CSMD1: variants seen among roughly 807,000 people sequenced by gnomAD.
CSMD1 encodes CUB and sushi domain-containing protein 1.
CSMD1 carries 213 observed loss-of-function variants against 417.5 expected under a neutral mutation model. That is an observed-to-expected ratio of 0.51 (90% CI 0.46 to 0.57). The LOEUF is 0.57. Ranked by LOEUF, CSMD1 falls within the 20% of genes least tolerant of loss-of-function variation. CSMD1 has a pLI of 0.00. For missense variants in CSMD1, 6,923 were observed against 4,529.7 expected (o/e 1.53, Z -15.17); for synonymous variants, 2,862 against 1,736.8 (o/e 1.65, Z -16.11).
chr8:3,788,186 A>G (rs1330676406), intron 5 of CSMD1, among the ~76,000 whole-genome samples: 1 of 152,214 alleles, frequency 6.6e-6, no homozygotes, highest in East Asian at 1.9e-4. Flanking sequence ...GATACTACAT[A>G]ATTACAAATT....
chr8:4,454,301 C>T (rs185739887), intron 2 of CSMD1, among the ~76,000 whole-genome samples: 1 of 152,178 alleles, frequency 6.6e-6, no homozygotes, highest in Admixed American at 6.5e-5. Flanking sequence ...ACACCAGACG[C>T]AGCCTCTTCT....
chr8:4,975,414 T>C (rs1298958836), intron 1 of CSMD1, among the ~76,000 whole-genome samples: 1 of 152,226 alleles, frequency 6.6e-6, no homozygotes, highest in African/African-American at 2.4e-5. Context: ...CCTTATTGAA[T>C]GTGGGCTACT....
At chr8:3,550,227 C>G (rs1798852071) in intron 10 of CSMD1, among the ~76,000 whole-genome samples, 1 of 152,132 alleles carries the variant, frequency 6.6e-6, no homozygotes, top group African/African-American at 2.4e-5. Flanking sequence ...ATGTCTCTTC[C>G]TTTAGAATAC....
chr8:4,954,782 G>A (rs189719012), intron 1 of CSMD1, among the ~76,000 whole-genome samples: 2 of 152,084 alleles, frequency 1.3e-5, no homozygotes, highest in East Asian at 1.9e-4. Flanking sequence ...ACAGAATTAC[G>A]GTTTTCCATA....
chr8:4,570,049 G>A (rs939159517), intron 2 of CSMD1, among the ~76,000 whole-genome samples: 2 of 152,158 alleles, frequency 1.3e-5, no homozygotes, highest in Non-Finnish European at 2.9e-5. Context: ...CTGAGACAAT[G>A]GGGTTTTCTA....
chr8:4,126,508 G>A (rs1355119742), intron 3 of CSMD1, among the ~76,000 whole-genome samples: 1 of 152,304 alleles, frequency 6.6e-6, no homozygotes, highest in Admixed American at 6.5e-5. Context: ...CTGGAAGCAG[G>A]AGGTCTCCCA....
chr8:4,326,807 A>G (rs1224548620), intron 3 of CSMD1, among the ~76,000 whole-genome samples: 2 of 151,778 alleles, frequency 1.3e-5, no homozygotes, highest in Middle Eastern at 3.4e-3. Flanking sequence ...ATCACCAAGA[A>G]AACTTTGGCT....
chr8:4,130,881 T>C (rs1803060787), intron 3 of CSMD1, among the ~76,000 whole-genome samples: 1 of 151,798 alleles, frequency 6.6e-6, no homozygotes, highest in Non-Finnish European at 1.5e-5. Flanking sequence ...GTTCATATGC[T>C]GAGATAGGTA....
intron 5 of CSMD1, among the ~76,000 whole-genome samples, chr8:3,943,884 G>C (rs532227072): frequency 1.1e-4 from 16 of 152,102 alleles, no homozygotes; most frequent in Admixed American, 9.2e-4. Flanking sequence ...AGACATGGCA[G>C]CTAAATGCAA....
chr8:4,586,948 T>C (rs962156633), intron 2 of CSMD1, among the ~76,000 whole-genome samples: 1 of 152,224 alleles, frequency 6.6e-6, no homozygotes, highest in Admixed American at 6.5e-5. Flanking sequence ...CATGAATCTG[T>C]ACTGTGTAAG....
intron 10 of CSMD1, among the ~76,000 whole-genome samples, chr8:3,537,636 T>C (rs752287531): frequency 2.6e-5 from 4 of 152,234 alleles, no homozygotes; most frequent in African/African-American, 7.2e-5. Context: ...ATGAAATTTA[T>C]GTAGCATCAT....
chr8:2,965,289 C>A (rs1486608127), intron 59 of CSMD1, among the ~76,000 whole-genome samples: 1 of 152,160 alleles, frequency 6.6e-6, no homozygotes, highest in Admixed American at 6.5e-5. Flanking sequence ...CCTTCTCGGC[C>A]AGTGTCATCT....
chr8:4,764,896 A>C lies in CSMD1; in HGVS notation c.86-127338T>G, dbSNP rs1190076436. ...TCAAAAAAAAAAAAAAAAAAAAAAC[A>C]ACAACAACAAAAAAAAACCTTTGCT... On this transcript the variant is annotated intron_variant, in intron 1 of 69. Coordinates refer to ENST00000635120, the MANE Select transcript of CSMD1 (RefSeq NM_033225.6). 2.8e-3 allele frequency among the ~76,000 whole-genome samples: 36 copies of C among 13,068 alleles called. No homozygotes were observed. The South Asian group carries it at 0.033, about 12-fold the overall frequency. 8.6% of individuals were successfully genotyped at this position (13,068 alleles called of 152,430 possible). A position where few individuals can be genotyped will look rare whatever the true frequency, so the allele number is the denominator to read the frequency against.
chr8:4,588,480 A>C (rs1799815634), intron 2 of CSMD1, among the ~76,000 whole-genome samples: 1 of 151,672 alleles, frequency 6.6e-6, no homozygotes, highest in African/African-American at 2.4e-5. Flanking sequence ...CAGTGGTCTG[A>C]TGTTTTCTTT....
chr8:3,257,073 G>A (rs369160576), intron 26 of CSMD1, among the ~76,000 whole-genome samples: 1 of 152,174 alleles, frequency 6.6e-6, no homozygotes, highest in Non-Finnish European at 1.5e-5. Flanking sequence ...TGTAATCCCA[G>A]CACTTTGGGA....
At chr8:3,427,699 T>C (rs182300393) in intron 12 of CSMD1, among the ~76,000 whole-genome samples, 1 of 152,210 alleles carries the variant, frequency 6.6e-6, no homozygotes, top group Admixed American at 6.5e-5. Flanking sequence ...TTATCAACTT[T>C]TTTTCAAATT....
intron 4 of CSMD1, among the ~76,000 whole-genome samples, chr8:3,999,344 C>T (rs1815478067): frequency 1.3e-5 from 2 of 152,240 alleles, no homozygotes; most frequent in South Asian, 2.1e-4. Flanking sequence ...TTCGACCCTA[C>T]CCACCCTCTC....
chr8:4,914,200 T>C (rs1398105598), intron 1 of CSMD1, among the ~76,000 whole-genome samples: 1 of 152,220 alleles, frequency 6.6e-6, no homozygotes, highest in African/African-American at 2.4e-5. Context: ...TCTATAGTAT[T>C]ACAGGTGCAA....
At chr8:3,219,472 C>T (rs566881128) in intron 28 of CSMD1, 30 bp from the exon 29 acceptor site, 68 of 1,373,214 alleles carry the variant, frequency 5.0e-5, no homozygotes, top group East Asian at 2.8e-4. Context: ...TTATGTCATA[C>T]GGCTAACAGA....
Sources: allele counts gnomAD v4.1 joint callset (sites outside exome capture counted in the v4.1 genomes callset), GRCh38; gene constraint gnomAD v4.1.1; transcripts MANE v1.5; gene names NCBI Gene and HGNC (gene_info 2026-07-23, HGNC 2026-07-21).